The following MGAT4C variants were observed in gnomAD, a reference collection of about 807,000 sequenced individuals.
MGAT4C encodes the protein MGAT4 family member C, also known as alpha-1,3-mannosyl-glycoprotein 4-beta-N-acetylglucosaminyltransferase C.
In MGAT4C, 19 loss-of-function variants were observed where a neutral mutation model predicts 40.1. That is an observed-to-expected ratio of 0.47 (90% CI 0.33 to 0.70). MGAT4C has a LOEUF of 0.70. Among genes scored for constraint, MGAT4C ranks in the 30% least tolerant of loss-of-function variants. The pLI is 0.02. For missense variants in MGAT4C, 491 were observed against 563.2 expected, an observed-to-expected ratio of 0.87 and a Z score of 1.30; for synonymous variants, 181 against 187.1, an observed-to-expected ratio of 0.97 and a Z score of 0.27.
chr12:86,752,531 C>G (rs1389586847), intron 1 of MGAT4C, among the ~76,000 whole-genome samples: 1 of 151,990 alleles, frequency 6.6e-6, no homozygotes, highest in East Asian at 1.9e-4. Context: ...CCATAAAATT[C>G]CTTTGTGAGA....
At chr12:86,777,058 G>T (rs986184078) in intron 1 of MGAT4C, among the ~76,000 whole-genome samples, 1 of 152,044 alleles carries the variant, frequency 6.6e-6, no homozygotes, top group Non-Finnish European at 1.5e-5. Context: ...TATCTAATTT[G>T]GCAAGACTAA....
intron 1 of MGAT4C, among the ~76,000 whole-genome samples, chr12:86,067,449 A>C (rs1894653282): frequency 6.6e-6 from 1 of 152,030 alleles, no homozygotes; most frequent in South Asian, 2.1e-4. Context: ...CAGCAAACTA[A>C]CACAAGAACA....
chr12:86,069,709 C>CA (rs1419651363), intron 1 of MGAT4C, among the ~76,000 whole-genome samples: 1 of 152,066 alleles, frequency 6.6e-6, no homozygotes, highest in Non-Finnish European at 1.5e-5. Flanking sequence ...ATATCCATAA[C>CA]AATGGCTCAC....
At chr12:86,133,733 C>A (rs1435086573) in intron 1 of MGAT4C, among the ~76,000 whole-genome samples, 1 of 152,036 alleles carries the variant, frequency 6.6e-6, no homozygotes, top group East Asian at 1.9e-4. Context: ...CTTAATAAAT[C>A]TCCTTTAATA....
chr12:86,264,243 T>G lies in MGAT4C; in HGVS notation c.-57+69822A>C, dbSNP rs1433182405. Among the ~76,000 whole-genome samples the G allele has an allele frequency of 2.0e-5, 3 of 152,258 alleles. No individual in the cohort carries two copies. In the East Asian group the frequency reaches 5.8e-4, roughly 29 times the overall value. ...TTTTGAGGTCTTAGTCATAAATTAT[T>G]TGCCTAGACCAATATCCAAATGAGT... On this transcript the variant is annotated intron_variant, in intron 4 of 7. Transcript: ENST00000548651.
Position 86,700,333 on chromosome 12 carries a change from A to C in MGAT4C, c.-229+26876T>G, listed in dbSNP as rs1333118703. 2.0e-5 allele frequency among the ~76,000 whole-genome samples: 3 copies of C among 151,842 alleles called. No homozygotes were observed. In the East Asian group the frequency reaches 5.8e-4, roughly 29 times the overall value. On this transcript the variant is annotated intron_variant, in intron 2 of 7. Coordinates refer to the MGAT4C transcript ENST00000548651. ...AACAGAGTTAATTTTAGAGAGAGAG[A>C]CTGTGTGTGTGTGTGTGTGTAAGCT...
At chr12:86,801,947 A>G (rs1236443984) in intron 1 of MGAT4C, among the ~76,000 whole-genome samples, 1 of 151,846 alleles carries the variant, frequency 6.6e-6, no homozygotes, top group East Asian at 1.9e-4. Flanking sequence ...GTAAATATCA[A>G]ACTGGCCCAT....
rs57242289 is a variant in MGAT4C at position 86,418,590 on chromosome 12, C to CAATAAATAAATA, written c.-120+16555_-120+16566dup. 1.7e-3 allele frequency among the ~76,000 whole-genome samples: 246 copies of CAATAAATAAATA among 145,752 alleles called. 1 individual carries two copies. Among genetic ancestry groups the CAATAAATAAATA allele is most frequent in the African/African-American group, 4.3e-3 (171 of 39,842 alleles). ...TGGGCAACAGAGCAAGACTCCATCT[C>CAATAAATAAATA]AATAAATAAATAAATAAATAAATAA... On this transcript the variant is annotated intron_variant, in intron 3 of 7. Coordinates refer to the MGAT4C transcript ENST00000548651.
intron 3 of MGAT4C, among the ~76,000 whole-genome samples, chr12:86,363,983 C>CACACACAGAGACACAT (rs1419781202): frequency 2.0e-5 from 3 of 151,988 alleles, no homozygotes; most frequent in Admixed American, 6.6e-5. Context: ...CACACACACA[C>CACACACAGAGACACAT]ACACACACAG....
intron 1 of MGAT4C, among the ~76,000 whole-genome samples, chr12:86,123,076 T>C (rs2135688086): frequency 6.6e-6 from 1 of 152,290 alleles, no homozygotes; most frequent in East Asian, 1.9e-4. Context: ...TTCTACTCTG[T>C]GCTAGGCTCT....
At chr12:86,337,528 G>T (rs1954814966) in intron 3 of MGAT4C, among the ~76,000 whole-genome samples, 1 of 149,622 alleles carries the variant, frequency 6.7e-6, no homozygotes. Context: ...GGAGATGGCA[G>T]TGAGCTGAGA....
intron 2 of MGAT4C, among the ~76,000 whole-genome samples, chr12:86,478,736 T>G (rs925849765): frequency 5.9e-5 from 9 of 152,212 alleles, no homozygotes; most frequent in Admixed American, 4.6e-4. Flanking sequence ...GTTTTGAATT[T>G]TTCAAGTAAT....
At chr12:86,586,821 TG>T (rs1702081700) in intron 2 of MGAT4C, among the ~76,000 whole-genome samples, 1 of 152,110 alleles carries the variant, frequency 6.6e-6, no homozygotes, top group Non-Finnish European at 1.5e-5. Flanking sequence ...CTTGTAAATT[TG>T]TTGGAGTTCA....
chr12:86,355,958 A>G (rs1955299906), intron 3 of MGAT4C, among the ~76,000 whole-genome samples: 1 of 152,202 alleles, frequency 6.6e-6, no homozygotes, highest in Non-Finnish European at 1.5e-5. Context: ...TAGATGAAAT[A>G]CATATGATAG....
chr12:86,392,241 G>A (rs1254695078), intron 3 of MGAT4C, among the ~76,000 whole-genome samples: 1 of 152,106 alleles, frequency 6.6e-6, no homozygotes. Flanking sequence ...GGAGATCAAG[G>A]CAGGCGGATC....
chr12:86,234,153 A>C (rs1951438042), intron 1 of MGAT4C, among the ~76,000 whole-genome samples: 1 of 152,146 alleles, frequency 6.6e-6, no homozygotes, highest in South Asian at 2.1e-4. Context: ...CATCTGGTTT[A>C]GTTTTTTGTA....
intron 2 of MGAT4C, among the ~76,000 whole-genome samples, chr12:86,516,062 T>C (rs1958682205): frequency 6.6e-6 from 1 of 151,866 alleles, no homozygotes; most frequent in Non-Finnish European, 1.5e-5. Context: ...GCAATTCTTA[T>C]CAAAATCCTA....
At chr12:86,532,090 G>T (rs974742114) in intron 2 of MGAT4C, among the ~76,000 whole-genome samples, 8 of 151,808 alleles carry the variant, frequency 5.3e-5, no homozygotes, top group Non-Finnish European at 7.4e-5. Flanking sequence ...TTAGGAATAG[G>T]ATAATTTTGG....
chr12:86,175,993 A>C (rs1593149496), intron 1 of MGAT4C, among the ~76,000 whole-genome samples: 1 of 151,892 alleles, frequency 6.6e-6, no homozygotes, highest in South Asian at 2.1e-4. Flanking sequence ...AAAAACAAAT[A>C]ATTTTCTGGG....
Sources: gnomAD v4.1 joint callset for allele counts (sites outside exome capture counted in the v4.1 genomes callset) on GRCh38, gnomAD v4.1.1 for gene constraint, MANE v1.5 for transcripts, NCBI Gene and HGNC (gene_info 2026-07-23, HGNC 2026-07-21) for gene names.